The following ZNF131 variants were observed in gnomAD, a reference collection of about 807,000 sequenced individuals.
ZNF131 encodes zinc finger protein 131.
In ZNF131, 7 loss-of-function variants were observed where a neutral mutation model predicts 60.0. The observed-to-expected ratio is 0.12, with a 90% CI of 0.07 to 0.22. The LOEUF (loss-of-function observed/expected upper bound fraction) is 0.22. ZNF131 is among the 10% of genes least tolerant of loss of function. The pLI is 1.00. For missense variants in ZNF131, 493 were observed against 740.9 expected (o/e 0.67, Z 3.88); for synonymous variants, 257 against 253.2 (o/e 1.01, Z -0.14).
chr5:43,162,004 T>TA (rs1749745397), intron 5 of ZNF131, 73 bp downstream of exon 5: 10 of 1,407,988 alleles, frequency 7.1e-6, no homozygotes, highest in South Asian at 4.5e-5. Flanking sequence ...AAATCCTTTT[T>TA]AAAAAAATAG....
At chr5:43,169,488 G>A (rs2112076842) in intron 5 of ZNF131, among the ~76,000 whole-genome samples, 1 of 152,312 alleles carries the variant, frequency 6.6e-6, no homozygotes, top group Middle Eastern at 3.4e-3. Context: ...AGACGCTCAG[G>A]TACGCATGCT....
chr5:43,152,973 A>G lies in ZNF131; in HGVS notation c.372-8276A>G, dbSNP rs181713387. Among the ~76,000 whole-genome samples the G allele has an allele frequency of 8.1e-4, 124 of 152,258 alleles. 1 individual carries two copies. The highest frequency in any genetic ancestry group is 5.2e-4 in the Admixed American group (8 of 15,288). On this transcript the variant is annotated intron_variant, in intron 4 of 6. Transcript: ENST00000682664. ...GGAGTCGTAAGATGTTTCTCTCCCT[A>G]GATGGCAAGATTGTCATTCCTCCTT... is the stretch of plus-strand genomic sequence containing the variant.
rs952064717 is a variant in ZNF131, at chr5:43,147,171, T to C, written c.371+7862T>C. Among the ~76,000 whole-genome samples the C allele has an allele frequency of 5.3e-5, 8 of 152,160 alleles. No homozygotes were observed. The South Asian group carries it at 8.3e-4, about 16-fold the overall frequency. ...GTGTTATTTTGTTCCTTTTCATTGCTGAGTAGTATTCCACAGTGTGGGTAT... is the reference window on the plus strand; with the variant it reads ...GTGTTATTTTGTTCCTTTTCATTGCCGAGTAGTATTCCACAGTGTGGGTAT... On this transcript the variant is annotated intron_variant, in intron 4 of 6. Transcript: ENST00000682664.
At chr5:43,153,464 A>T (rs935915789) in intron 4 of ZNF131, among the ~76,000 whole-genome samples, 5 of 17,868 alleles carry the variant, frequency 2.8e-4, no homozygotes, top group African/African-American at 3.2e-4. Flanking sequence ...CATCTCTACT[A>T]AAAAAAAAAA....
At chr5:43,152,856 C>T (rs1387189677) in intron 4 of ZNF131, among the ~76,000 whole-genome samples, 2 of 151,938 alleles carry the variant, frequency 1.3e-5, no homozygotes, top group South Asian at 2.1e-4. Flanking sequence ...GCGATCCTCC[C>T]GCCTCAGCCT....
intron 1 of ZNF131, 120 bp from the exon 2 acceptor site, chr5:43,121,919 G>C (rs1743889905): frequency 2.6e-6 from 3 of 1,138,252 alleles, no homozygotes; most frequent in Non-Finnish European, 3.6e-6. Context: ...CTCTCCTCTT[G>C]CTTCACCCTC....
intron 3 of ZNF131, among the ~76,000 whole-genome samples, chr5:43,126,577 G>C (rs1020506368): frequency 6.6e-6 from 1 of 151,866 alleles, no homozygotes; most frequent in African/African-American, 2.4e-5. Flanking sequence ...GTTCTTTGGT[G>C]AGAAAACTGG....
At chr5:43,123,174 T>C (rs1430229882) in intron 2 of ZNF131, 35 bp from the exon 3 acceptor site, 2 of 1,524,536 alleles carry the variant, frequency 1.3e-6, no homozygotes, top group South Asian at 1.2e-5. Context: ...TTCGTGCTTG[T>C]GTATGATTTT....
intron 3 of ZNF131, among the ~76,000 whole-genome samples, chr5:43,131,801 G>A (rs547846492): frequency 5.9e-5 from 8 of 135,760 alleles, no homozygotes; most frequent in African/African-American, 2.1e-4. Context: ...GCATATGTGC[G>A]TATGTACAAA....
intron 5 of ZNF131, among the ~76,000 whole-genome samples, chr5:43,163,410 G>A (rs1047377937): frequency 2.6e-5 from 4 of 152,218 alleles, no homozygotes; most frequent in Non-Finnish European, 5.9e-5. Flanking sequence ...GGGAGCTGAG[G>A]AGAATAAGGT....
chr5:43,147,996 G>A (rs1408149698), intron 4 of ZNF131, among the ~76,000 whole-genome samples: 1 of 150,394 alleles, frequency 6.6e-6, no homozygotes, highest in Non-Finnish European at 1.5e-5. Flanking sequence ...AGAGGTTGCA[G>A]TGAGCCAAGA....
chr5:43,146,196 T>C (rs1157639420), intron 4 of ZNF131, among the ~76,000 whole-genome samples: 2 of 152,202 alleles, frequency 1.3e-5, no homozygotes, highest in African/African-American at 4.8e-5. Flanking sequence ...ATATGCAGTA[T>C]GGAATTATTT....
In ZNF131 at chr5:43,120,927, C is replaced by G. The variant is rs1340138293; in HGVS notation, c.-212C>G. Reference sequence around the variant, plus strand: ...GCTGCCGCTGCCGGGGCCGCGGCCGCCCGGGTGCCCAACCGAACGCACGTG... The same window carrying G: ...GCTGCCGCTGCCGGGGCCGCGGCCGGCCGGGTGCCCAACCGAACGCACGTG... On this transcript the variant is annotated 5_prime_UTR_variant, in exon 1 of 7. Transcript: ENST00000682664. The G allele has an allele frequency of 6.6e-6, 1 of 152,176 alleles. No individual in the cohort carries two copies. 9.4% of individuals were successfully genotyped at this position (152,176 alleles called of 1,614,324 possible). A position where few individuals can be genotyped will look rare whatever the true frequency, so the allele number is the denominator to read the frequency against.
intron 5 of ZNF131, chr5:43,168,004 C>A: frequency 2.2e-6 from 1 of 450,878 alleles, no homozygotes; most frequent in Non-Finnish European, 4.5e-6. Flanking sequence ...TCTGCAGAGT[C>A]CTGAGGCCAT....
At chr5:43,170,432 C>T (rs1018697795) in intron 5 of ZNF131, among the ~76,000 whole-genome samples, 2 of 152,202 alleles carry the variant, frequency 1.3e-5, no homozygotes, top group African/African-American at 4.8e-5. Flanking sequence ...CAGTTATTTA[C>T]TCCTACCTGC....
At chr5:43,132,861 T>C (rs1425081536) in intron 3 of ZNF131, among the ~76,000 whole-genome samples, 6 of 152,138 alleles carry the variant, frequency 3.9e-5, no homozygotes, top group Non-Finnish European at 8.8e-5. Flanking sequence ...AACACTTAAA[T>C]GATATTCCAC....
intron 6 of ZNF131, 24 bp from the exon 7 acceptor site, chr5:43,174,423 A>G (rs1322016034): frequency 4.0e-6 from 6 of 1,508,288 alleles, no homozygotes; most frequent in Non-Finnish European, 4.4e-6. Context: ...AGTATTGTCT[A>G]CATCATATTT....
intron 4 of ZNF131, among the ~76,000 whole-genome samples, chr5:43,149,260 G>GAAAAAAAA (rs36054171): frequency 1.4e-5 from 2 of 142,122 alleles, no homozygotes; most frequent in Non-Finnish European, 1.5e-5. Context: ...GACAGAGGGA[G>GAAAAAAAA]AAAAAAAAAA....
At chr5:43,170,079 A>G (rs906500800) in intron 5 of ZNF131, among the ~76,000 whole-genome samples, 2 of 152,146 alleles carry the variant, frequency 1.3e-5, no homozygotes, top group African/African-American at 2.4e-5. Context: ...TATCTTGACA[A>G]AGATTATCAA....
Sources: gnomAD v4.1 joint callset for allele counts (sites outside exome capture counted in the v4.1 genomes callset) on GRCh38, gnomAD v4.1.1 for gene constraint, MANE v1.5 for transcripts, NCBI Gene and HGNC (gene_info 2026-07-23, HGNC 2026-07-21) for gene names.